C11orf65: variants seen among roughly 807,000 people sequenced by gnomAD.
The protein encoded by C11orf65 is chromosome 11 open reading frame 65.
C11orf65 carries 38 observed loss-of-function variants against 35.3 expected under a neutral mutation model. That is an observed-to-expected ratio of 1.08 (90% CI 0.83 to 1.41). The LOEUF is 1.41. C11orf65 is among the 40% of genes most tolerant of loss of function. The pLI is 0.00. For synonymous variants in C11orf65, 105 were observed against 114.4 expected, an observed-to-expected ratio of 0.92 and a Z score of 0.53; for missense variants, 370 against 367.1, an observed-to-expected ratio of 1.01 and a Z score of -0.06.
At chr11:108,415,580 G>A (rs946374325) in intron 3 of C11orf65, among the ~76,000 whole-genome samples, 1 of 152,048 alleles carries the variant, frequency 6.6e-6, no homozygotes, top group African/African-American at 2.4e-5. Flanking sequence ...AAAATCCCAG[G>A]AACTTATTTT....
intron 3 of C11orf65, among the ~76,000 whole-genome samples, chr11:108,427,593 G>C (rs367614823): frequency 1.3e-5 from 2 of 148,812 alleles, no homozygotes; most frequent in African/African-American, 2.5e-5. Flanking sequence ...ATGGTGGCGC[G>C]CGTCTGTAGT....
intron 2 of C11orf65, among the ~76,000 whole-genome samples, chr11:108,347,551 A>T (rs2088600445): frequency 6.6e-6 from 1 of 152,152 alleles, no homozygotes; most frequent in Non-Finnish European, 1.5e-5. Flanking sequence ...TGGGGTACTG[A>T]GTGAAACTTA....
At chr11:108,429,917 A>C (rs1032155674) in intron 3 of C11orf65, among the ~76,000 whole-genome samples, 1 of 152,116 alleles carries the variant, frequency 6.6e-6, no homozygotes, top group African/African-American at 2.4e-5. Flanking sequence ...GTATAATTCC[A>C]CTCCTATGAG....
chr11:108,423,676 G>A (rs2092854850), intron 3 of C11orf65, among the ~76,000 whole-genome samples: 1 of 152,158 alleles, frequency 6.6e-6, no homozygotes. Flanking sequence ...CTGGCATCTG[G>A]CAGGTGCCCC....
At chr11:108,388,447 G>T (rs974986907) in intron 7 of C11orf65, among the ~76,000 whole-genome samples, 2 of 152,158 alleles carry the variant, frequency 1.3e-5, no homozygotes, top group African/African-American at 4.8e-5. Flanking sequence ...TCAAGTGTGT[G>T]TGCAGTCTAC....
chr11:108,444,719 C>T (rs2093221995), intron 2 of C11orf65, among the ~76,000 whole-genome samples: 3 of 152,094 alleles, frequency 2.0e-5, no homozygotes, highest in South Asian at 2.1e-4. Context: ...ATCTGAGGTA[C>T]CAGGTTCATC....
At chr11:108,311,312 A>T (rs1191230134) in intron 6 of C11orf65, among the ~76,000 whole-genome samples, 1 of 152,214 alleles carries the variant, frequency 6.6e-6, no homozygotes, top group Admixed American at 6.5e-5. Flanking sequence ...CCATTTGTGT[A>T]CAGAAATGTA....
At chr11:108,395,665 G>A (rs1156791978) in intron 6 of C11orf65, among the ~76,000 whole-genome samples, 1 of 122,848 alleles carries the variant, frequency 8.1e-6, no homozygotes, top group African/African-American at 3.3e-5. Context: ...CTATTGCCCA[G>A]GCTGGAGTGC....
chr11:108,413,734 T>C (rs112420308), intron 3 of C11orf65, among the ~76,000 whole-genome samples: 49 of 152,208 alleles, frequency 3.2e-4, no homozygotes, highest in African/African-American at 1.1e-3. Flanking sequence ...CACACCTCAA[T>C]AGTATTAAAC....
chr11:108,327,343 T>A, downstream of C11orf65: 3 of 330,470 alleles, frequency 9.1e-6, no homozygotes, highest in South Asian at 8.9e-5. Flanking sequence ...TTTAATAGGA[T>A]TCTTGTGAGA....
At chr11:108,450,435 T>C (rs1288717630) in intron 2 of C11orf65, among the ~76,000 whole-genome samples, 2 of 151,646 alleles carry the variant, frequency 1.3e-5, no homozygotes, top group East Asian at 3.9e-4. Flanking sequence ...CATGGAATAC[T>C]ATGCAGCCAT....
In C11orf65 at chr11:108,354,786, G is replaced by A. The variant is rs749333397; in HGVS notation, c.227-19494C>T. 2.8e-5 allele frequency: 45 copies of A among 1,600,878 alleles called. No individual in the cohort carries two copies. The highest frequency in any genetic ancestry group is 1.6e-4 in the East Asian group (7 of 44,786). ...ACAACATTGGTGTGTAACAAAATCCGTATTTATAATGTGTTTGACTCTAGA... is the reference window on the plus strand; with the variant it reads ...ACAACATTGGTGTGTAACAAAATCCATATTTATAATGTGTTTGACTCTAGA... On this transcript the variant is annotated intron_variant, in intron 2 of 3. Coordinates refer to the C11orf65 transcript ENST00000524755.
At chr11:108,424,148 A>G (rs2092864244) in intron 3 of C11orf65, among the ~76,000 whole-genome samples, 1 of 152,194 alleles carries the variant, frequency 6.6e-6, no homozygotes, top group Non-Finnish European at 1.5e-5. Flanking sequence ...AAGGAAGCTA[A>G]GAACCTTAAA....
intron 7 of C11orf65, among the ~76,000 whole-genome samples, chr11:108,387,889 G>T (rs2092050358): frequency 6.6e-6 from 1 of 152,138 alleles, no homozygotes; most frequent in South Asian, 2.1e-4. Context: ...TCTTACTACT[G>T]CTACCCCTTG....
intron 2 of C11orf65, among the ~76,000 whole-genome samples, chr11:108,458,828 G>T (rs2093437206): frequency 6.6e-6 from 1 of 152,106 alleles, no homozygotes; most frequent in African/African-American, 2.4e-5. Context: ...CCTGTCCCCA[G>T]AACCACAAAC....
chr11:108,446,166 T>G (rs1452588328), intron 2 of C11orf65, among the ~76,000 whole-genome samples: 2 of 152,042 alleles, frequency 1.3e-5, no homozygotes, highest in Non-Finnish European at 2.9e-5. Context: ...TTGGTGTACC[T>G]GAAAGTGATG....
At chr11:108,468,879 G>A (rs1229018986), upstream of C11orf65, among the ~76,000 whole-genome samples, 11 of 152,158 alleles carry the variant, frequency 7.2e-5, no homozygotes, top group African/African-American at 1.7e-4. Context: ...TGAGGTGGGC[G>A]GATCACTTGA....
chr11:108,383,926 A>T (rs2091926173), intron 8 of C11orf65, among the ~76,000 whole-genome samples: 1 of 144,310 alleles, frequency 6.9e-6, no homozygotes, highest in African/African-American at 2.6e-5. Flanking sequence ...GCTAGAGTGC[A>T]GTGGCGCAAT....
chr11:108,417,677 G>T (rs957562489), intron 3 of C11orf65, among the ~76,000 whole-genome samples: 26 of 152,132 alleles, frequency 1.7e-4, no homozygotes, highest in African/African-American at 6.0e-4. Context: ...GACAGTTGGT[G>T]TGCGCATGTT....
Sources: allele counts gnomAD v4.1 joint callset (sites outside exome capture counted in the v4.1 genomes callset), GRCh38; gene constraint gnomAD v4.1.1; transcripts MANE v1.5; gene names NCBI Gene and HGNC (gene_info 2026-07-23, HGNC 2026-07-21).